Variants in FRMPD1 observed in about 807,000 individuals in gnomAD.
FRMPD1 encodes FERM and PDZ domain containing 1.
A neutral mutation model predicts 117.8 loss-of-function variants in FRMPD1; 76 were observed. The observed-to-expected ratio is 0.65, with a 90% CI of 0.54 to 0.78. FRMPD1 has a LOEUF of 0.78. Ranked by LOEUF, FRMPD1 falls within the 30% of genes least tolerant of loss-of-function variation. The pLI, the probability that FRMPD1 is intolerant of heterozygous loss-of-function variation, is 0.00. For missense variants in FRMPD1, 1,786 were observed against 1,964.5 expected (o/e 0.91, Z 1.72); for synonymous variants, 783 against 770.4 (o/e 1.02, Z -0.27).
intron 1 of FRMPD1, among the ~76,000 whole-genome samples, chr9:37,671,911 A>T (rs1269292132): frequency 2.0e-5 from 3 of 152,214 alleles, no homozygotes; most frequent in Non-Finnish European, 4.4e-5. Context: ...GGTTGCAGTG[A>T]TCTGAGATCG....
rs888856483 is a variant in FRMPD1 at position 37,660,050 on chromosome 9, C to G, written c.-5+8956C>G. ...TCTGGACACTGAGCAGCTCCAGACT[C>G]TCCACTCATTGCTGCCCCCAGGATT... On this transcript the variant is annotated intron_variant, in intron 1 of 15. Transcript: ENST00000377765. Among the ~76,000 whole-genome samples the G allele has an allele frequency of 8.6e-5, 13 of 151,972 alleles. No individual in the cohort carries two copies. The South Asian group carries it at 1.7e-3, about 19-fold the overall frequency.
At chr9:37,674,600 C>G (rs1195886423) in intron 1 of FRMPD1, among the ~76,000 whole-genome samples, 1 of 152,158 alleles carries the variant, frequency 6.6e-6, no homozygotes, top group Non-Finnish European at 1.5e-5. Flanking sequence ...AAAGACATAC[C>G]TGAGACTCGG....
chr9:37,732,196 C>A, intron 9 of FRMPD1, 108 bp from the exon 10 acceptor site: 1 of 1,141,704 alleles, frequency 8.8e-7, no homozygotes, highest in Non-Finnish European at 1.3e-6. Flanking sequence ...ACTGTCAGAG[C>A]CAGCTCTCAA....
intron 12 of FRMPD1, among the ~76,000 whole-genome samples, chr9:37,734,552 C>T (rs554740135): frequency 5.3e-4 from 81 of 151,692 alleles, no homozygotes; most frequent in African/African-American, 1.9e-3. Flanking sequence ...ACTGTCAGCC[C>T]CAGGACTCTG....
At chr9:37,724,111 G>A in intron 6 of FRMPD1, 114 bp from the exon 7 acceptor site, 2 of 516,062 alleles carry the variant, frequency 3.9e-6, no homozygotes, top group South Asian at 3.3e-5. Flanking sequence ...GGAGTCAGAG[G>A]TTGAGTGAGC....
At chr9:37,666,815 T>C (rs1420407086) in intron 1 of FRMPD1, among the ~76,000 whole-genome samples, 2 of 152,172 alleles carry the variant, frequency 1.3e-5, no homozygotes, top group Admixed American at 1.3e-4. Context: ...ACGGGCATAA[T>C]TTCAGGCTAG....
the FRMPD1 span, among the ~76,000 whole-genome samples, chr9:37,631,490 A>G: frequency 1.3e-5 from 2 of 152,272 alleles, no homozygotes; most frequent in Non-Finnish European, 2.9e-5. Flanking sequence ...TTGTCGAAAG[A>G]GACAAATAAT....
At chr9:37,606,755 G>T in the FRMPD1 span, among the ~76,000 whole-genome samples, 1 of 152,162 alleles carries the variant, frequency 6.6e-6, no homozygotes, top group African/African-American at 2.4e-5. Context: ...AGCTTGACTG[G>T]CTCAGTTCAG....
At position 37,724,069 on chromosome 9, in the gene FRMPD1, G is replaced by A. The variant is rs1048858606; in HGVS notation, c.517-156G>A. On this transcript the variant is annotated intron_variant, in intron 6 of 15. Coordinates refer to ENST00000377765, the MANE Select transcript of FRMPD1 (RefSeq NM_014907.3). ...AGGTGCCTGTAATCCCAGCTATTTG[G>A]CAGGCTGAGGTGGGAGAGTCGCTTG... 2.6e-5 allele frequency among the ~76,000 whole-genome samples: 4 copies of A among 151,964 alleles called. No homozygotes were observed. In the East Asian group the frequency reaches 7.7e-4, roughly 29 times the overall value.
chr9:37,605,130 T>C, the FRMPD1 span, among the ~76,000 whole-genome samples: 4 of 152,248 alleles, frequency 2.6e-5, no homozygotes, highest in Non-Finnish European at 4.4e-5. Flanking sequence ...TGATATTGTA[T>C]ATGACTTTCA....
At chr9:37,637,638 C>A in the FRMPD1 span, among the ~76,000 whole-genome samples, 2 of 152,204 alleles carry the variant, frequency 1.3e-5, no homozygotes, top group Non-Finnish European at 2.9e-5. Context: ...GCTTTTGAGT[C>A]TGGCTTCTTT....
the FRMPD1 span, among the ~76,000 whole-genome samples, chr9:37,618,395 C>G: frequency 6.6e-6 from 1 of 152,178 alleles, no homozygotes; most frequent in Non-Finnish European, 1.5e-5. Context: ...TCCACTGCTA[C>G]TTCTCATCAG....
chr9:37,626,641 A>AAAAAAAAAAAAAAAAAAAAAAAAAAAAC, the FRMPD1 span, among the ~76,000 whole-genome samples: 1 of 145,774 alleles, frequency 6.9e-6, no homozygotes. Context: ...AAAAAAAAAA[A>AAAAAAAAAAAAAAAAAAAAAAAAAAAAC]AGCTGGAGGT....
intron 1 of FRMPD1, among the ~76,000 whole-genome samples, chr9:37,652,650 A>G (rs2119356378): frequency 6.6e-6 from 1 of 152,326 alleles, no homozygotes; most frequent in East Asian, 1.9e-4. Context: ...CCATCCTTGA[A>G]GCTAATTTGT....
At chr9:37,686,766 A>C (rs896388759) in intron 1 of FRMPD1, among the ~76,000 whole-genome samples, 14 of 152,260 alleles carry the variant, frequency 9.2e-5, no homozygotes, top group Admixed American at 7.8e-4. Flanking sequence ...GAAGACCTTC[A>C]AAAGGCGTGG....
In FRMPD1 at chr9:37,745,515, T is replaced by C. The variant is rs756568099; in HGVS notation, c.3483T>C (p.Leu1161=). 4.3e-6 allele frequency: 7 copies of C among 1,614,074 alleles called. No individual in the cohort carries two copies. The highest frequency in any genetic ancestry group is 5.9e-6 in the Non-Finnish European group (7 of 1,180,000). Reference sequence around the variant, plus strand: ...CAGCTGGTAAAATAGTAACCTCCCTTTCTTTAGATGCTCCTGTAACAGGGA... The same window carrying C: ...CAGCTGGTAAAATAGTAACCTCCCTCTCTTTAGATGCTCCTGTAACAGGGA... ...SSPAGKIVTS[L]SLDAPVTGTE... is the part of the protein sequence containing the mutation. Residue 1161 remains leucine (L), a synonymous_variant, in exon 16 of 16, where the codon CTT becomes CTC. Coordinates refer to ENST00000377765, the MANE Select transcript of FRMPD1 (RefSeq NM_014907.3).
intron 5 of FRMPD1, among the ~76,000 whole-genome samples, chr9:37,718,638 C>T (rs1379133443): frequency 6.6e-6 from 1 of 151,884 alleles, no homozygotes; most frequent in Non-Finnish European, 1.5e-5. Context: ...GATGGGAAGA[C>T]TCTGAAGGCC....
chr9:37,727,714 T>C (rs111295011), intron 7 of FRMPD1, among the ~76,000 whole-genome samples: 22 of 145,278 alleles, frequency 1.5e-4, no homozygotes, highest in African/African-American at 5.5e-4. Flanking sequence ...TTATGGGGGG[T>C]GATGAACAAG....
the FRMPD1 span, among the ~76,000 whole-genome samples, chr9:37,622,358 T>C: frequency 6.6e-6 from 1 of 152,248 alleles, no homozygotes; most frequent in African/African-American, 2.4e-5. Context: ...TCTTAAAATG[T>C]TCGTTACACA....
Sources: gnomAD v4.1 joint callset for allele counts (sites outside exome capture counted in the v4.1 genomes callset) on GRCh38, gnomAD v4.1.1 for gene constraint, MANE v1.5 for transcripts, NCBI Gene and HGNC (gene_info 2026-07-23, HGNC 2026-07-21) for gene names.